The following ARSJ variants were observed in gnomAD, a reference collection of about 807,000 sequenced individuals.
ARSJ encodes arylsulfatase J.
Under a neutral mutation model 35.9 loss-of-function variants are expected in ARSJ, and 26 were observed. The observed-to-expected ratio is 0.72, with a 90% confidence interval of 0.53 to 1.00. The LOEUF is 1.00. ARSJ is among the 50% of genes least tolerant of loss of function. The probability of loss-of-function intolerance (pLI) is 0.00; values close to 1 mark genes in which losing one functional copy is unlikely to be tolerated. For synonymous variants in ARSJ, 294 were observed against 267.6 expected (o/e 1.10, Z -0.96); for missense variants, 667 against 723.6 (o/e 0.92, Z 0.90).
intron 1 of ARSJ, among the ~76,000 whole-genome samples, chr4:113,963,585 C>G (rs1726700865): frequency 6.6e-6 from 1 of 151,970 alleles, no homozygotes; most frequent in African/African-American, 2.4e-5. Flanking sequence ...ATTATGAGAA[C>G]TACAATTCAA....
Position 113,978,943 on chromosome 4 carries a change from T to G in ARSJ, c.-109A>C, listed in dbSNP as rs1727768276. The G allele has an allele frequency of 1.7e-6, 2 of 1,154,402 alleles. No individual in the cohort carries two copies. Among genetic ancestry groups the G allele is most frequent in the South Asian group, 3.0e-5 (2 of 66,322 alleles). The allele number at this position is 1,154,402 out of a possible 1,614,324, so 71.5% of individuals were successfully genotyped here. ...TGAAGACTCTCCACCTGGCAAGAAA[T>G]CCTCCTCTCCTCTCAGCTGTCACCA... On this transcript the variant is annotated 5_prime_UTR_variant, in exon 1 of 2. Transcript: ENST00000315366.
At position 113,903,348 on chromosome 4, in the gene ARSJ, G is replaced by A; in HGVS notation, c.726C>T (p.Tyr242=). ...YDNGIYSTQM[Y]TQRVQQILAS... is the part of the protein sequence containing the mutation. ...CTAAGATTTGCTGTACTCTCTGAGT[G>A]TACATCTGTGTGGAGTATATGCCAT... The change falls in exon 2 of 2, where the codon TAC becomes TAT. Residue 242 remains tyrosine (Y), a synonymous_variant. Transcript: ENST00000315366. The A allele has an allele frequency of 6.2e-7, 1 of 1,614,128 alleles. No homozygotes were observed. The highest frequency in any genetic ancestry group is 8.5e-7 in the Non-Finnish European group (1 of 1,180,020).
At chr4:113,934,804 T>G (rs1724668003) in intron 1 of ARSJ, among the ~76,000 whole-genome samples, 1 of 151,806 alleles carries the variant, frequency 6.6e-6, no homozygotes, top group Non-Finnish European at 1.5e-5. Context: ...TGAAAATATG[T>G]ATGTCTACTA....
Position 113,976,820 on chromosome 4 carries a change from C to T in ARSJ, c.398+1617G>A, listed in dbSNP as rs118135970. ...AAATTACAGAGACGTTAATCTTTCA[C>T]CAAAGAGAAAAATTAGGAAATATTT... is the stretch of plus-strand genomic sequence containing the variant. On this transcript the variant is annotated intron_variant, in intron 1 of 1. Coordinates refer to ENST00000315366, the MANE Select transcript of ARSJ (RefSeq NM_024590.4). Among the ~76,000 whole-genome samples, 2,035 of 152,188 alleles carry T rather than the reference C, an allele frequency of 0.013. 115 individuals carry two copies. In the East Asian group the frequency reaches 0.16, roughly 12 times the overall value.
chr4:113,941,225 G>T (rs1490157644), intron 1 of ARSJ, among the ~76,000 whole-genome samples: 1 of 152,016 alleles, frequency 6.6e-6, no homozygotes, highest in Non-Finnish European at 1.5e-5. Flanking sequence ...GCACTTTTCA[G>T]TTTCTAAGGA....
chr4:113,960,134 A>G (rs1404813193), intron 1 of ARSJ, among the ~76,000 whole-genome samples: 2 of 152,080 alleles, frequency 1.3e-5, no homozygotes, highest in Non-Finnish European at 2.9e-5. Context: ...GATAAAATAC[A>G]ATTAGGCAAT....
intron 1 of ARSJ, among the ~76,000 whole-genome samples, chr4:113,969,919 G>A (rs1727137170): frequency 6.6e-6 from 1 of 152,176 alleles, no homozygotes; most frequent in Non-Finnish European, 1.5e-5. Flanking sequence ...GGACCAGCAA[G>A]GGAAGGAAGA....
rs967377558 is a variant in ARSJ at position 113,966,740 on chromosome 4, T to C, written c.398+11697A>G. ...GTTATGAATTTAATTTAATCAAACA[T>C]TGGTTGCCACCCACATTTTTGTTGC... On this transcript the variant is annotated intron_variant, in intron 1 of 1. Transcript: ENST00000315366. 2.0e-5 allele frequency among the ~76,000 whole-genome samples: 3 copies of C among 152,178 alleles called. No homozygotes were observed. In the South Asian group the frequency reaches 6.2e-4, roughly 31 times the overall value.
intron 1 of ARSJ, among the ~76,000 whole-genome samples, chr4:113,929,170 A>G (rs1431452201): frequency 6.6e-6 from 1 of 152,046 alleles, no homozygotes; most frequent in East Asian, 1.9e-4. Flanking sequence ...ATTGCTGTTT[A>G]TATAAATTAA....
In ARSJ at chr4:113,979,589, C is replaced by G. The variant is rs551371911; in HGVS notation, c.-755G>C. 6.6e-6 allele frequency: 1 copy of G among 152,426 alleles called. No individual in the cohort carries two copies. The highest frequency in any genetic ancestry group is 1.9e-4 in the East Asian group (1 of 5,178). 9.4% of individuals were successfully genotyped at this position (152,426 alleles called of 1,614,324 possible). On this transcript the variant is annotated 5_prime_UTR_variant, in exon 1 of 2. Coordinates refer to ENST00000315366, the MANE Select transcript of ARSJ (RefSeq NM_024590.4). ...CGGGTCCCTAGCCCCGCGGCCGGTCCGCGCGGAGCCCGCTTGGTCTTTGCG... is the reference window on the plus strand; with the variant it reads ...CGGGTCCCTAGCCCCGCGGCCGGTCGGCGCGGAGCCCGCTTGGTCTTTGCG...
intron 1 of ARSJ, among the ~76,000 whole-genome samples, chr4:113,944,586 A>G (rs1725357342): frequency 6.6e-6 from 1 of 152,122 alleles, no homozygotes; most frequent in African/African-American, 2.4e-5. Context: ...GTTTCCTTTC[A>G]GGAAAATGCC....
chr4:113,913,424 C>T (rs1016876512), intron 1 of ARSJ, among the ~76,000 whole-genome samples: 1 of 151,932 alleles, frequency 6.6e-6, no homozygotes, highest in African/African-American at 2.4e-5. Context: ...CTCTTATTAT[C>T]TCATGTTCTT....
chr4:113,966,799 C>T (rs549227882), intron 1 of ARSJ, among the ~76,000 whole-genome samples: 1 of 152,318 alleles, frequency 6.6e-6, no homozygotes, highest in African/African-American at 2.4e-5. Context: ...TTCTTGGGCA[C>T]TGAATGTTGC....
intron 1 of ARSJ, among the ~76,000 whole-genome samples, chr4:113,909,620 C>T (rs2099669829): frequency 6.6e-6 from 1 of 152,186 alleles, no homozygotes; most frequent in Admixed American, 6.5e-5. Context: ...CTCTCTCCTA[C>T]CGCCATGTGA....
At chr4:113,906,176 A>T (rs1466044441) in intron 1 of ARSJ, among the ~76,000 whole-genome samples, 1 of 152,204 alleles carries the variant, frequency 6.6e-6, no homozygotes, top group Non-Finnish European at 1.5e-5. Context: ...TTTGGGAATC[A>T]TTTATGGGGA....
chr4:113,927,003 G>GGCAGAGCAGCTT (rs1230591694), intron 1 of ARSJ, among the ~76,000 whole-genome samples: 1 of 152,140 alleles, frequency 6.6e-6, no homozygotes, highest in Non-Finnish European at 1.5e-5. Context: ...TTGTCCAAGT[G>GGCAGAGCAGCTT]GCAGAGCAGC....
At chr4:113,910,424 A>G (rs543961872) in intron 1 of ARSJ, among the ~76,000 whole-genome samples, 19 of 152,332 alleles carry the variant, frequency 1.2e-4, no homozygotes, top group African/African-American at 4.3e-4. Flanking sequence ...CAGAATGGTT[A>G]GCGAGTAAAA....
chr4:113,975,757 C>T (rs1396816607), intron 1 of ARSJ, among the ~76,000 whole-genome samples: 1 of 152,184 alleles, frequency 6.6e-6, no homozygotes, highest in Non-Finnish European at 1.5e-5. Context: ...AGTGACTGCT[C>T]AGCAGACGCT....
intron 1 of ARSJ, among the ~76,000 whole-genome samples, chr4:113,930,216 T>C (rs914257197): frequency 6.6e-6 from 1 of 152,074 alleles, no homozygotes; most frequent in African/African-American, 2.4e-5. Context: ...GGTCCCACAA[T>C]AGGCTGTCTG....
Sources: gnomAD v4.1 joint callset for allele counts (sites outside exome capture counted in the v4.1 genomes callset) on GRCh38, gnomAD v4.1.1 for gene constraint, MANE v1.5 for transcripts, NCBI Gene and HGNC (gene_info 2026-07-23, HGNC 2026-07-21) for gene names.